The following DMGDH variants were observed in gnomAD, a reference collection of about 807,000 sequenced individuals.
DMGDH encodes the protein dimethylglycine dehydrogenase, mitochondrial.
In DMGDH, 76 loss-of-function variants were observed where a neutral mutation model predicts 95.2. That is an observed-to-expected ratio of 0.80 (90% confidence interval 0.66 to 0.97). The LOEUF (loss-of-function observed/expected upper bound fraction) is 0.97. DMGDH is among the 50% of genes least tolerant of loss of function. The probability of loss-of-function intolerance (pLI) is 0.00; values close to 1 mark genes in which losing one functional copy is unlikely to be tolerated. For missense variants in DMGDH, 987 were observed against 1,055.0 expected (o/e 0.94, Z 0.89); for synonymous variants, 345 against 377.6 (o/e 0.91, Z 1.00).
chr5:79,012,724 C>T (rs867796529), intron 14 of DMGDH, among the ~76,000 whole-genome samples: 11 of 152,250 alleles, frequency 7.2e-5, no homozygotes, highest in Admixed American at 3.3e-4. Flanking sequence ...GCTGCCAAGG[C>T]TTATGGCTTG....
intron 5 of DMGDH, among the ~76,000 whole-genome samples, chr5:79,050,269 AAAAAATATAT>A (rs1214270806): frequency 3.8e-5 from 1 of 26,536 alleles, no homozygotes; most frequent in African/African-American, 1.2e-4. Context: ...AAAAAAAAAA[AAAAAATATAT>A]ATATATATAT....
chr5:79,009,365 CTT>C (rs34398829), intron 14 of DMGDH, among the ~76,000 whole-genome samples: 72 of 132,444 alleles, frequency 5.4e-4, no homozygotes, highest in East Asian at 2.0e-3. Context: ...CTTTTCTTTT[CTT>C]TTTTTTTTTT....
At chr5:79,051,529 A>G (rs1754862070) in intron 4 of DMGDH, 38 bp from the exon 5 acceptor site, 9 of 1,548,352 alleles carry the variant, frequency 5.8e-6, no homozygotes, top group Non-Finnish European at 6.2e-6. Context: ...TCAAATATAT[A>G]TATACTTATT....
At chr5:79,036,055 G>T (rs930069835) in intron 7 of DMGDH, among the ~76,000 whole-genome samples, 1 of 152,188 alleles carries the variant, frequency 6.6e-6, no homozygotes, top group African/African-American at 2.4e-5. Context: ...TGTTAGCTGG[G>T]TGACCTTGGG....
intron 14 of DMGDH, chr5:79,020,720 C>T: frequency 2.1e-5 from 21 of 983,700 alleles, no homozygotes; most frequent in Non-Finnish European, 2.5e-5. Flanking sequence ...AGAAGCTCTA[C>T]ACGGGGAGAG....
rs367912471 is a variant in DMGDH at position 79,036,403 on chromosome 5, T to A, written c.1194-2995A>T. 7.9e-5 allele frequency among the ~76,000 whole-genome samples: 12 copies of A among 152,356 alleles called. No individual in the cohort carries two copies. The East Asian group carries it at 2.1e-3, about 27-fold the overall frequency. Reference sequence around the variant, plus strand: ...TTTGTATCTGCTTTTTATAACTCTGTTAAATGACTGGATGTTACATCTTAT... The same window carrying A: ...TTTGTATCTGCTTTTTATAACTCTGATAAATGACTGGATGTTACATCTTAT... On this transcript the variant is annotated intron_variant, in intron 7 of 15. Coordinates refer to ENST00000255189, the MANE Select transcript of DMGDH (RefSeq NM_013391.3).
chr5:79,056,021 C>T, intron 2 of DMGDH, 113 bp from the exon 3 acceptor site: 1 of 741,990 alleles, frequency 1.3e-6, no homozygotes, highest in South Asian at 1.5e-5. Flanking sequence ...GAAGCACCAG[C>T]CAGTCCTTTG....
Position 79,032,692 on chromosome 5 carries a change from C to T in DMGDH, c.1512G>A (p.Gln504=), listed in dbSNP as rs2112629551. The part of the protein sequence containing the change: ...HWFYKPGQDT[Q]YRPSFRRTNW... ...AGGTAAAGTCCTTCTCCCACCTGTACTGAGTGTCCTGGCCTGGTTTGTAGA... is the reference window on the plus strand; with the variant it reads ...AGGTAAAGTCCTTCTCCCACCTGTATTGAGTGTCCTGGCCTGGTTTGTAGA... Residue 504 remains glutamine (Q), a synonymous_variant, in exon 9 of 16, where the codon CAG becomes CAA. Transcript: ENST00000255189. 1 of 1,614,170 alleles carries T rather than the reference C, an allele frequency of 6.2e-7. No homozygotes were observed. The highest frequency in any genetic ancestry group is 8.5e-7 in the Non-Finnish European group (1 of 1,180,032).
rs770670887 is a variant in DMGDH, at chr5:79,032,683, C to T, written c.1517+4G>A. ...ACCACAGGCAGGTAAAGTCCTTCTCCCACCTGTACTGAGTGTCCTGGCCTG... is the reference window on the plus strand; with the variant it reads ...ACCACAGGCAGGTAAAGTCCTTCTCTCACCTGTACTGAGTGTCCTGGCCTG... On this transcript the variant is annotated splice_donor_region_variant and intron_variant, in intron 9 of 15. Coordinates refer to ENST00000255189, the MANE Select transcript of DMGDH (RefSeq NM_013391.3). The T allele has an allele frequency of 6.2e-7, 1 of 1,614,132 alleles. No homozygotes were observed. The highest frequency in any genetic ancestry group is 8.5e-7 in the Non-Finnish European group (1 of 1,180,022).
chr5:79,049,832 G>C (rs1193151217), intron 5 of DMGDH, among the ~76,000 whole-genome samples: 2 of 152,170 alleles, frequency 1.3e-5, no homozygotes, highest in African/African-American at 4.8e-5. Flanking sequence ...TTATATTAAA[G>C]AAAGCATGAG....
At chr5:79,004,126 C>A (rs959675528) in intron 15 of DMGDH, among the ~76,000 whole-genome samples, 1 of 152,094 alleles carries the variant, frequency 6.6e-6, no homozygotes, top group South Asian at 2.1e-4. Context: ...TCACTGGCCA[C>A]GTAACCTCAA....
chr5:79,009,154 T>C (rs1276017584), intron 14 of DMGDH, among the ~76,000 whole-genome samples: 1 of 152,182 alleles, frequency 6.6e-6, no homozygotes, highest in African/African-American at 2.4e-5. Context: ...AATATTTGTG[T>C]ACTATGTAAA....
rs186549859 is a variant in DMGDH, at chr5:79,046,857, T to C, written c.746-2305A>G. 2.4e-4 allele frequency among the ~76,000 whole-genome samples: 36 copies of C among 152,306 alleles called. No individual in the cohort carries two copies. The East Asian group carries it at 5.0e-3, about 21-fold the overall frequency. On this transcript the variant is annotated intron_variant, in intron 5 of 15. Coordinates refer to ENST00000255189, the MANE Select transcript of DMGDH (RefSeq NM_013391.3). The stretch of plus-strand genomic sequence containing the variant: ...TGCTATAGTATCCCCAATATATTTG[T>C]TTCAATTAAAAACATAAATTGAAAA...
intron 14 of DMGDH, among the ~76,000 whole-genome samples, chr5:79,008,643 G>C (rs984826723): frequency 6.6e-6 from 1 of 152,116 alleles, no homozygotes; most frequent in Non-Finnish European, 1.5e-5. Context: ...GCTGGAAAAG[G>C]AGACTAACTC....
chr5:79,019,232 T>G (rs7709325), intron 14 of DMGDH, among the ~76,000 whole-genome samples: 31,129 of 152,012 alleles, frequency 0.2, 3,322 homozygotes, highest in African/African-American at 0.26. Flanking sequence ...AAAAATTCAC[T>G]TACTACCCAG....
At chr5:78,998,755 C>T (rs903752143) in intron 15 of DMGDH, among the ~76,000 whole-genome samples, 1 of 152,120 alleles carries the variant, frequency 6.6e-6, no homozygotes, top group Non-Finnish European at 1.5e-5. Context: ...AAGGCTGAAG[C>T]ATGAGAATTG....
At chr5:79,021,849 G>A (rs192170910) in intron 14 of DMGDH, among the ~76,000 whole-genome samples, 124 of 152,264 alleles carry the variant, frequency 8.1e-4, no homozygotes, top group African/African-American at 2.8e-3. Flanking sequence ...GGAAAGTGGT[G>A]GGTGGGAAAG....
chr5:79,011,155 T>G (rs1359628671), intron 14 of DMGDH, among the ~76,000 whole-genome samples: 1 of 152,182 alleles, frequency 6.6e-6, no homozygotes, highest in East Asian at 1.9e-4. Context: ...TTTGGGGGAA[T>G]GAATTCATTT....
intron 14 of DMGDH, chr5:79,021,628 T>A: frequency 7.6e-7 from 1 of 1,318,002 alleles, no homozygotes; most frequent in Non-Finnish European, 1.0e-6. Flanking sequence ...TGATGGCCCA[T>A]CTGCTCACCC....
Sources: gnomAD v4.1 joint callset for allele counts (sites outside exome capture counted in the v4.1 genomes callset) on GRCh38, gnomAD v4.1.1 for gene constraint, MANE v1.5 for transcripts, NCBI Gene and HGNC (gene_info 2026-07-23, HGNC 2026-07-21) for gene names.